LRP1B: variants seen among roughly 807,000 people sequenced by gnomAD.
LRP1B encodes LDL receptor related protein 1B, also known as low-density lipoprotein receptor-related protein 1B.
In LRP1B, 217 loss-of-function variants were observed where a neutral mutation model predicts 556.6. The observed-to-expected ratio is 0.39, with a 90% CI of 0.35 to 0.44. The LOEUF (loss-of-function observed/expected upper bound fraction) is 0.44, where lower values mean the gene tolerates loss of function less well. Ranked by LOEUF, LRP1B falls within the 20% of genes least tolerant of loss-of-function variation. The pLI, the probability that LRP1B is intolerant of heterozygous loss-of-function variation, is 1.00. For missense variants in LRP1B, 5,053 were observed against 5,620.8 expected (o/e 0.90, Z 3.23); for synonymous variants, 2,047 against 1,865.8 (o/e 1.10, Z -2.50).
Position 140,364,610 on chromosome 2 carries a change from C to T in LRP1B, c.11131+51G>A, listed in dbSNP as rs373800778. On this transcript the variant is annotated intron_variant, in intron 72 of 90. Transcript: ENST00000389484. ...CCCACTTCATTGATTCATGCTGGTGCCTGAGATCAGAAGATAAAAGTATAA... is the reference window on the plus strand; with the variant it reads ...CCCACTTCATTGATTCATGCTGGTGTCTGAGATCAGAAGATAAAAGTATAA... The T allele has an allele frequency of 4.5e-5, 71 of 1,590,444 alleles. No individual in the cohort carries two copies. In the African/African-American group the frequency reaches 8.8e-4, roughly 20 times the overall value.
rs369314939 is a variant in LRP1B at position 140,849,570 on chromosome 2, G to A, written c.4939+532C>T. On this transcript the variant is annotated intron_variant, in intron 29 of 90. Coordinates refer to ENST00000389484, the MANE Select transcript of LRP1B (RefSeq NM_018557.3). Reference sequence around the variant, plus strand: ...TATTTTTTTGGAGAGATGGAGTTTTGCTCTTCTTGCCCATGCTGGAGCACA... The same window carrying A: ...TATTTTTTTGGAGAGATGGAGTTTTACTCTTCTTGCCCATGCTGGAGCACA... 7.3e-5 allele frequency among the ~76,000 whole-genome samples: 11 copies of A among 151,268 alleles called. No homozygotes were observed. In the South Asian group the frequency reaches 2.3e-3, roughly 32 times the overall value.
chr2:140,789,964 A>G (rs1190449777), intron 32 of LRP1B, among the ~76,000 whole-genome samples: 1 of 151,932 alleles, frequency 6.6e-6, no homozygotes, highest in Non-Finnish European at 1.5e-5. Flanking sequence ...TCTGCTTGGT[A>G]AGCTCTTCCT....
At chr2:141,648,104 T>C (rs369166704) in intron 2 of LRP1B, among the ~76,000 whole-genome samples, 1 of 151,634 alleles carries the variant, frequency 6.6e-6, no homozygotes, top group Non-Finnish European at 1.5e-5. Flanking sequence ...AAAAAAAAAA[T>C]TGTGGAGCAG....
At chr2:141,418,895 A>T (rs1387596915) in intron 3 of LRP1B, among the ~76,000 whole-genome samples, 1 of 151,722 alleles carries the variant, frequency 6.6e-6, no homozygotes, top group African/African-American at 2.4e-5. Context: ...TTATTTTTTA[A>T]TTTTTTGCAG....
chr2:141,476,123 T>C (rs13424966), intron 3 of LRP1B, among the ~76,000 whole-genome samples: 77,654 of 151,750 alleles, frequency 0.51, 20,059 homozygotes, highest in Non-Finnish European at 0.55. Context: ...CCTGCACCTG[T>C]GTGTCTGCGT....
At chr2:140,924,349 G>A (rs1694826441) in intron 20 of LRP1B, among the ~76,000 whole-genome samples, 1 of 151,886 alleles carries the variant, frequency 6.6e-6, no homozygotes, top group Admixed American at 6.6e-5. Context: ...ATCTATAAAG[G>A]ATTAATTCAA....
chr2:141,533,667 A>G (rs1684968482), intron 2 of LRP1B, among the ~76,000 whole-genome samples: 1 of 152,172 alleles, frequency 6.6e-6, no homozygotes, highest in Non-Finnish European at 1.5e-5. Context: ...GGCTACCGCT[A>G]AATGACTGTC....
intron 27 of LRP1B, among the ~76,000 whole-genome samples, chr2:140,855,857 AT>A (rs1692601911): frequency 6.6e-6 from 1 of 152,138 alleles, no homozygotes; most frequent in Admixed American, 6.6e-5. Flanking sequence ...CAAAACAGAA[AT>A]CATAAACCTT....
At chr2:141,265,845 C>T (rs1038004296) in intron 3 of LRP1B, among the ~76,000 whole-genome samples, 1 of 152,138 alleles carries the variant, frequency 6.6e-6, no homozygotes, top group Non-Finnish European at 1.5e-5. Context: ...GTAAATACAG[C>T]TATCTGTTAA....
intron 3 of LRP1B, among the ~76,000 whole-genome samples, chr2:141,398,042 G>A (rs765464657): frequency 5.3e-5 from 8 of 152,060 alleles, no homozygotes; most frequent in East Asian, 1.9e-4. Flanking sequence ...ACTCTTCATC[G>A]TATCACCTTT....
chr2:140,706,252 T>C (rs1320473388), intron 37 of LRP1B, among the ~76,000 whole-genome samples: 1 of 152,132 alleles, frequency 6.6e-6, no homozygotes, highest in Non-Finnish European at 1.5e-5. Flanking sequence ...CTATTTGAGT[T>C]CAAATTTTGC....
intron 51 of LRP1B, among the ~76,000 whole-genome samples, chr2:140,512,525 A>G (rs1239731301): frequency 6.6e-6 from 1 of 152,162 alleles, no homozygotes; most frequent in Non-Finnish European, 1.5e-5. Context: ...TCACTAGCCT[A>G]TTAATATTTT....
At chr2:140,625,811 G>A (rs1683636892) in intron 41 of LRP1B, among the ~76,000 whole-genome samples, 1 of 152,178 alleles carries the variant, frequency 6.6e-6, no homozygotes, top group Non-Finnish European at 1.5e-5. Flanking sequence ...GAAAGACTGT[G>A]TTGTGGCTTC....
At chr2:140,294,444 G>A (rs911362877) in intron 84 of LRP1B, among the ~76,000 whole-genome samples, 1 of 152,130 alleles carries the variant, frequency 6.6e-6, no homozygotes, top group Non-Finnish European at 1.5e-5. Flanking sequence ...GTCTCAAAAA[G>A]ATCCCAGACA....
At position 140,269,253 on chromosome 2, in the gene LRP1B, G is replaced by C; in HGVS notation, c.13247+989C>G. ...GTCACACGAAGCGCAGCGATAAGTG[G>C]AAGTTTAAACCTACTTGCATCTCGG... On this transcript the variant is annotated intron_variant, in intron 86 of 90. Transcript: ENST00000389484. 1.1e-5 allele frequency: 5 copies of C among 470,520 alleles called. 1 individual carries two copies. Among genetic ancestry groups the C allele is most frequent in the South Asian group, 7.8e-5 (5 of 64,430 alleles). The allele number at this position is 470,520 out of a possible 1,614,324, so 29.1% of individuals were successfully genotyped here. A position where few individuals can be genotyped will look rare whatever the true frequency, so the allele number is the denominator to read the frequency against.
chr2:141,829,966 G>A (rs1184304127), intron 1 of LRP1B, among the ~76,000 whole-genome samples: 2 of 151,870 alleles, frequency 1.3e-5, no homozygotes, highest in Non-Finnish European at 2.9e-5. Context: ...TTTGTCAAAT[G>A]TTGGGAAGTG....
At chr2:141,540,352 T>C (rs1685214106) in intron 2 of LRP1B, among the ~76,000 whole-genome samples, 1 of 151,976 alleles carries the variant, frequency 6.6e-6, no homozygotes, top group Admixed American at 6.6e-5. Context: ...AGATACAATA[T>C]TGGTGACTTT....
At chr2:141,866,988 G>A (rs1380540130) in intron 1 of LRP1B, among the ~76,000 whole-genome samples, 1 of 152,128 alleles carries the variant, frequency 6.6e-6, no homozygotes, top group Non-Finnish European at 1.5e-5. Flanking sequence ...GACGTATCTG[G>A]AAGTAGGTTT....
chr2:141,264,863 G>A (rs1219017525), intron 3 of LRP1B, among the ~76,000 whole-genome samples: 1 of 152,154 alleles, frequency 6.6e-6, no homozygotes, highest in Non-Finnish European at 1.5e-5. Context: ...ACGTGGCTGT[G>A]CCTGGTCAAG....
Sources: allele counts gnomAD v4.1 joint callset (sites outside exome capture counted in the v4.1 genomes callset), GRCh38; gene constraint gnomAD v4.1.1; transcripts MANE v1.5; gene names NCBI Gene and HGNC (gene_info 2026-07-23, HGNC 2026-07-21).